Variants in ZNF559 observed in about 807,000 individuals in gnomAD.
ZNF559 encodes the protein putative protein product of Nbla00121.
Under a neutral mutation model 14.2 loss-of-function variants are expected in ZNF559, and 17 were observed. The ratio of observed to expected loss-of-function variants is 1.20; its 90% confidence interval spans 0.82 to 1.80. The LOEUF (loss-of-function observed/expected upper bound fraction) is 1.80, where lower values mean the gene tolerates loss of function less well. Ranked by LOEUF, ZNF559 falls within the 40% of genes most tolerant of loss-of-function variation. ZNF559 has a pLI of 0.00. For synonymous variants in ZNF559, 244 were observed against 212.4 expected (o/e 1.15, Z -1.29); for missense variants, 740 against 629.7 (o/e 1.18, Z -1.88).
intron 1 of ZNF559, chr19:9,324,456 G>A: frequency 1.4e-6 from 2 of 1,431,252 alleles, no homozygotes; most frequent in Middle Eastern, 5.0e-4. Context: ...CCCGGGAGGA[G>A]GCGGGGGGCA....
chr19:9,326,580 A>C (rs1359643338), intron 2 of ZNF559, among the ~76,000 whole-genome samples: 1 of 152,210 alleles, frequency 6.6e-6, no homozygotes, highest in African/African-American at 2.4e-5. Context: ...AATATAATGC[A>C]AGGCACAGAT....
Position 9,343,057 on chromosome 19 carries a change from G to C in ZNF559, c.1606G>C (p.Glu536Gln). 6.2e-7 allele frequency: 1 copy of C among 1,608,588 alleles called. No individual in the cohort carries two copies. Among genetic ancestry groups the C allele is most frequent in the South Asian group, 1.1e-5 (1 of 90,474 alleles). ...QTFSNSSCLT[E>Q]CV is the part of the protein sequence containing the mutation. ...CTTTAGTAATTCCTCATGCCTTACT[G>C]AATGTGTGTGAATTGGGGCTGATAC... Residue 536 changes from glutamate to glutamine, a missense_variant, in exon 7 of 7, where the codon GAA (glutamate) becomes CAA (glutamine). Glu to Gln is a conservative substitution (Grantham distance 29). Coordinates refer to ENST00000603380, the MANE Select transcript of ZNF559 (RefSeq NM_032497.3).
At chr19:9,326,709 G>T (rs2066626724) in intron 2 of ZNF559, among the ~76,000 whole-genome samples, 1 of 152,070 alleles carries the variant, frequency 6.6e-6, no homozygotes, top group Non-Finnish European at 1.5e-5. Flanking sequence ...TGAAATTAGT[G>T]ACTAATGTAG....
rs1385398322 is a variant in ZNF559 at position 9,345,643 on chromosome 19, TTTTA to T, written c.*2583_*2586del. ...TTTGCCTGTTTATATTGGCTTTATT[TTTTA>T]TTTATTTTTATTTTTTTTTATATAG... On this transcript the variant is annotated 3_prime_UTR_variant, in exon 7 of 7. Transcript: ENST00000603380. 4.6e-5 allele frequency: 5 copies of T among 109,662 alleles called. No individual in the cohort carries two copies. Among genetic ancestry groups the T allele is most frequent in the Non-Finnish European group, 8.2e-5 (4 of 48,582 alleles). 6.8% of individuals were successfully genotyped at this position (109,662 alleles called of 1,614,324 possible). A position where few individuals can be genotyped will look rare whatever the true frequency, so the allele number is the denominator to read the frequency against.
intron 2 of ZNF559, among the ~76,000 whole-genome samples, chr19:9,329,385 A>G (rs535965896): frequency 5.3e-5 from 8 of 152,062 alleles, no homozygotes. Flanking sequence ...TTTCAGATCC[A>G]TTAATATTTG....
chr19:9,341,419 T>A (rs1226178713), intron 6 of ZNF559: 1 of 761,084 alleles, frequency 1.3e-6, no homozygotes, highest in African/African-American at 1.7e-5. Flanking sequence ...ATCTCAGATG[T>A]TTTTGATAAA....
intron 2 of ZNF559, 52 bp downstream of exon 2, chr19:9,324,832 A>C: frequency 1.4e-6 from 2 of 1,472,494 alleles, no homozygotes; most frequent in Non-Finnish European, 1.8e-6. Context: ...CTTGAAGTTT[A>C]AGTTGTGTCG....
chr19:9,335,806 A>AT (rs1321140229), intron 2 of ZNF559, among the ~76,000 whole-genome samples: 2 of 152,242 alleles, frequency 1.3e-5, no homozygotes, highest in Non-Finnish European at 2.9e-5. Flanking sequence ...GAGTGCTGGG[A>AT]TTACAGGCAT....
At position 9,342,877 on chromosome 19, in the gene ZNF559, A is replaced by G; in HGVS notation, c.1426A>G (p.Ile476Val). ...TCAAAAGTGTGGGCAAGCCTTCAGTATCTCATCAGGCCTTACAGTACACAT... is the reference window on the plus strand; with the variant it reads ...TCAAAAGTGTGGGCAAGCCTTCAGTGTCTCATCAGGCCTTACAGTACACAT... ...KCQKCGQAFS[I>V]SSGLTVHMRT... The change falls in exon 7 of 7, where the codon ATC becomes GTC. Residue 476 changes from isoleucine to valine, a missense_variant. Coordinates refer to ENST00000603380, the MANE Select transcript of ZNF559 (RefSeq NM_032497.3). 1.9e-6 allele frequency: 3 copies of G among 1,614,050 alleles called. No homozygotes were observed. The highest frequency in any genetic ancestry group is 2.5e-6 in the Non-Finnish European group (3 of 1,179,986).
At chr19:9,324,329 C>G (rs2066442652) in intron 1 of ZNF559, 101 bp downstream of exon 1, 8 of 1,528,274 alleles carry the variant, frequency 5.2e-6, no homozygotes, top group Admixed American at 2.0e-5. Context: ...GGAGCCTGTC[C>G]CGTGCACTTT....
chr19:9,332,175 G>T (rs2066969133), intron 2 of ZNF559, among the ~76,000 whole-genome samples: 1 of 152,022 alleles, frequency 6.6e-6, no homozygotes, highest in African/African-American at 2.4e-5. Context: ...AAACAATCAT[G>T]GTTAATGAAT....
chr19:9,338,256 G>A (rs932111452), intron 3 of ZNF559, among the ~76,000 whole-genome samples: 1 of 152,158 alleles, frequency 6.6e-6, no homozygotes, highest in African/African-American at 2.4e-5. Flanking sequence ...TGGCAAATAA[G>A]GAAAATGTTA....
chr19:9,339,871 C>T (rs1021405190), intron 5 of ZNF559, among the ~76,000 whole-genome samples: 2 of 150,850 alleles, frequency 1.3e-5, no homozygotes, highest in Non-Finnish European at 2.9e-5. Flanking sequence ...CGGGTTCACA[C>T]CAGTCTCCTG....
chr19:9,324,904 G>GCATTCATCCACT, intron 2 of ZNF559, 124 bp downstream of exon 2: 2 of 762,108 alleles, frequency 2.6e-6, no homozygotes, highest in Middle Eastern at 2.5e-4. Context: ...ACCATCGAAT[G>GCATTCATCCACT]CATGAGTGGA....
In ZNF559 at chr19:9,324,448, C is replaced by T. The variant is rs988635460; in HGVS notation, c.-206+220C>T. 3.0e-5 allele frequency: 43 copies of T among 1,433,364 alleles called. No individual in the cohort carries two copies. The South Asian group carries it at 3.9e-4, about 13-fold the overall frequency. 88.8% of individuals were successfully genotyped at this position (1,433,364 alleles called of 1,614,324 possible). On this transcript the variant is annotated intron_variant, in intron 1 of 6. Transcript: ENST00000603380. Reference sequence around the variant, plus strand: ...AGGCGGCTGCGCTGGGGCCTCGGCCCGGGAGGAGGCGGGGGGCACGGCCTT... The same window carrying T: ...AGGCGGCTGCGCTGGGGCCTCGGCCTGGGAGGAGGCGGGGGGCACGGCCTT...
intron 2 of ZNF559, among the ~76,000 whole-genome samples, chr19:9,332,235 C>T (rs2066972945): frequency 6.6e-6 from 1 of 151,966 alleles, no homozygotes; most frequent in Admixed American, 6.6e-5. Context: ...ATTTTCTGGC[C>T]TGCTAATATG....
rs934026578 is a variant in ZNF559 at position 9,344,348 on chromosome 19, A to G, written c.*1280A>G. On this transcript the variant is annotated 3_prime_UTR_variant, in exon 7 of 7. Transcript: ENST00000603380. Reference sequence around the variant, plus strand: ...TACAAATTTTCACTTATTGCACACAAGAAAATTGGTACTGGCCAGGCATGC... The same window carrying G: ...TACAAATTTTCACTTATTGCACACAGGAAAATTGGTACTGGCCAGGCATGC... 1 of 152,176 alleles carries G rather than the reference A, an allele frequency of 6.6e-6. No individual in the cohort carries two copies. The highest frequency in any genetic ancestry group is 1.5e-5 in the Non-Finnish European group (1 of 68,042). The allele number at this position is 152,176 out of a possible 1,614,324, so 9.4% of individuals were successfully genotyped here.
chr19:9,341,186 T>G lies in ZNF559; in HGVS notation c.243+2T>G. ...AAAACATCCAGTGTGGTGGAAATGG[T>G]AAGATTCAGAAGGTATAATTTATTG... is the stretch of plus-strand genomic sequence containing the variant. On this transcript the variant is annotated splice_donor_variant, in intron 6 of 6. Transcript: ENST00000603380. LOFTEE classifies it high-confidence loss of function. 1 of 1,613,524 alleles carries G rather than the reference T, an allele frequency of 6.2e-7. No homozygotes were observed. Among genetic ancestry groups the G allele is most frequent in the Non-Finnish European group, 8.5e-7 (1 of 1,179,482 alleles).
At chr19:9,328,348 CTTTTTTT>C (rs904074002) in intron 2 of ZNF559, among the ~76,000 whole-genome samples, 3 of 61,014 alleles carry the variant, frequency 4.9e-5, no homozygotes, top group Non-Finnish European at 9.1e-5. Flanking sequence ...GCTTGTTTGT[CTTTTTTT>C]TTTTTTTTTT....
Sources: allele counts gnomAD v4.1 joint callset (sites outside exome capture counted in the v4.1 genomes callset), GRCh38; gene constraint gnomAD v4.1.1; transcripts MANE v1.5; gene names NCBI Gene and HGNC (gene_info 2026-07-23, HGNC 2026-07-21).